The following PGAP1 variants were observed in gnomAD, a reference collection of about 807,000 sequenced individuals.
The protein encoded by PGAP1 is GPI inositol-deacylase.
Under a neutral mutation model 127.0 loss-of-function variants are expected in PGAP1, and 76 were observed. That is an observed-to-expected ratio of 0.60 (90% CI 0.50 to 0.72). The LOEUF is 0.72. Among genes scored for constraint, PGAP1 ranks in the 30% least tolerant of loss-of-function variants. The pLI, the probability that PGAP1 is intolerant of heterozygous loss-of-function variation, is 0.00. For synonymous variants in PGAP1, 362 were observed against 366.5 expected, an observed-to-expected ratio of 0.99 and a Z score of 0.14; for missense variants, 982 against 1,071.3, an observed-to-expected ratio of 0.92 and a Z score of 1.16.
chr2:196,870,454 G>A (rs558852276), intron 19 of PGAP1, among the ~76,000 whole-genome samples: 8 of 151,998 alleles, frequency 5.3e-5, no homozygotes, highest in East Asian at 1.9e-4. Context: ...ATGCCAGCAC[G>A]CCTGGCTAAT....
intron 13 of PGAP1, among the ~76,000 whole-genome samples, chr2:196,879,421 G>A (rs1018822893): frequency 5.9e-5 from 9 of 152,094 alleles, no homozygotes; most frequent in Non-Finnish European, 8.8e-5. Context: ...TCAGCCAGGC[G>A]CGGTGGCTCA....
chr2:196,905,137 C>T (rs1490145537), intron 4 of PGAP1, among the ~76,000 whole-genome samples: 3 of 152,142 alleles, frequency 2.0e-5, no homozygotes, highest in Non-Finnish European at 4.4e-5. Context: ...TGCCACCCTC[C>T]AAAGCAATAA....
In PGAP1 at chr2:196,872,963, G is replaced by A; in HGVS notation, c.1616C>T (p.Ala539Val). 1 of 1,002,782 alleles carries A rather than the reference G, an allele frequency of 1.0e-6. No individual in the cohort carries two copies. Among genetic ancestry groups the A allele is most frequent in the East Asian group, 2.6e-5 (1 of 38,326 alleles). The allele number at this position is 1,002,782 out of a possible 1,614,324, so 62.1% of individuals were successfully genotyped here. ...PWSYEDSLTI[A>V]QAPSSTEISL... ...GTAAATTCTTTCAAATACTTACTGT[G>A]CAATGGTTAGTGAATCTTCATAAGA... The change falls in exon 17 of 27, where the codon GCA becomes GTA. Residue 539 changes from alanine (A) to valine (V), a missense_variant. Ala to Val is a moderately conservative substitution (Grantham distance 64). Coordinates refer to ENST00000354764, the MANE Select transcript of PGAP1 (RefSeq NM_024989.4).
intron 2 of PGAP1, among the ~76,000 whole-genome samples, chr2:196,918,315 T>C (rs1703079780): frequency 6.6e-6 from 1 of 152,202 alleles, no homozygotes; most frequent in Admixed American, 6.6e-5. Context: ...ACACATAACC[T>C]GTAACATGGA....
intron 14 of PGAP1, among the ~76,000 whole-genome samples, chr2:196,874,831 T>C (rs1242235138): frequency 6.6e-6 from 1 of 152,104 alleles, no homozygotes; most frequent in Non-Finnish European, 1.5e-5. Flanking sequence ...CTGGGCAATA[T>C]GGTGAATCTC....
At chr2:196,883,588 G>C (rs531233034) in intron 12 of PGAP1, among the ~76,000 whole-genome samples, 110 of 152,294 alleles carry the variant, frequency 7.2e-4, no homozygotes, top group Non-Finnish European at 1.5e-3. Context: ...TGGCTTTTAA[G>C]TATTTATTCT....
chr2:196,922,369 G>C (rs1703224144), intron 1 of PGAP1: 2 of 983,622 alleles, frequency 2.0e-6, no homozygotes, highest in Middle Eastern at 5.2e-4. Context: ...AATACACATA[G>C]TTTTTAACTT....
chr2:196,898,207 G>C (rs1702349119), intron 6 of PGAP1, 110 bp downstream of exon 6: 8 of 713,788 alleles, frequency 1.1e-5, no homozygotes, highest in Non-Finnish European at 1.9e-5. Context: ...AACAGAGCGA[G>C]ACTCTGTCTC....
intron 8 of PGAP1, 30 bp from the exon 9 acceptor site, chr2:196,892,431 C>G: frequency 9.1e-7 from 1 of 1,094,670 alleles, no homozygotes; most frequent in Non-Finnish European, 1.3e-6. Flanking sequence ...ATTTATTTGC[C>G]TTGTTTTGTT....
intron 10 of PGAP1, among the ~76,000 whole-genome samples, chr2:196,886,982 C>T (rs1701932066): frequency 6.6e-6 from 1 of 152,204 alleles, no homozygotes; most frequent in Non-Finnish European, 1.5e-5. Flanking sequence ...AACTTCTATA[C>T]AACCAAGAAT....
intron 19 of PGAP1, among the ~76,000 whole-genome samples, chr2:196,869,040 A>T (rs956457729): frequency 5.3e-5 from 8 of 152,228 alleles, no homozygotes; most frequent in African/African-American, 1.9e-4. Context: ...TCTTTAATTG[A>T]CATTTTAAAA....
intron 23 of PGAP1, 51 bp downstream of exon 23, chr2:196,845,827 CATGT>C: frequency 6.8e-7 from 1 of 1,464,770 alleles, no homozygotes; most frequent in Non-Finnish European, 9.2e-7. Context: ...GAACATCCTA[CATGT>C]ATGTGCCTAA....
rs369607826 is a variant in PGAP1 at position 196,836,300 on chromosome 2, C to T, written c.*4934G>A. The T allele has an allele frequency of 3.9e-5, 6 of 152,448 alleles. No individual in the cohort carries two copies. Among genetic ancestry groups the T allele is most frequent in the Admixed American group, 2.0e-4 (3 of 15,254 alleles). The allele number at this position is 152,448 out of a possible 1,614,324, so 9.4% of individuals were successfully genotyped here. Reference sequence around the variant, plus strand: ...TGTACTTTATTTAAAAGTTATCAACCGTAGACAATTAAGACAGCTTAGAAT... The same window carrying T: ...TGTACTTTATTTAAAAGTTATCAACTGTAGACAATTAAGACAGCTTAGAAT... On this transcript the variant is annotated 3_prime_UTR_variant, in exon 27 of 27. Coordinates refer to ENST00000354764, the MANE Select transcript of PGAP1 (RefSeq NM_024989.4).
At chr2:196,887,363 G>A (rs183901325) in intron 10 of PGAP1, among the ~76,000 whole-genome samples, 38 of 152,148 alleles carry the variant, frequency 2.5e-4, no homozygotes, top group African/African-American at 8.7e-4. Context: ...CAGCCTGGGC[G>A]ACAGAGCGAG....
chr2:196,839,399 A>G lies in PGAP1; in HGVS notation c.*1835T>C, dbSNP rs1414003302. On this transcript the variant is annotated 3_prime_UTR_variant, in exon 27 of 27. Coordinates refer to ENST00000354764, the MANE Select transcript of PGAP1 (RefSeq NM_024989.4). Reference sequence around the variant, plus strand: ...AAACATATACGTGGTATGCCATGGGACAAGTATATAATCTAATAAATTCTC... The same window carrying G: ...AAACATATACGTGGTATGCCATGGGGCAAGTATATAATCTAATAAATTCTC... 6.6e-6 allele frequency: 1 copy of G among 152,210 alleles called. No homozygotes were observed. Among genetic ancestry groups the G allele is most frequent in the African/African-American group, 2.4e-5 (1 of 41,442 alleles). The allele number at this position is 152,210 out of a possible 1,614,324, so 9.4% of individuals were successfully genotyped here.
intron 12 of PGAP1, among the ~76,000 whole-genome samples, chr2:196,880,411 C>T (rs1479264808): frequency 6.6e-6 from 1 of 151,900 alleles, no homozygotes; most frequent in South Asian, 2.1e-4. Flanking sequence ...AAACAAATGA[C>T]ATTTAACATT....
chr2:196,845,390 A>G (rs1422205899), intron 23 of PGAP1, among the ~76,000 whole-genome samples: 1 of 151,090 alleles, frequency 6.6e-6, no homozygotes, highest in East Asian at 1.9e-4. Flanking sequence ...CAGCTTTATC[A>G]GACACGTTTT....
At chr2:196,900,354 G>A (rs1466850881) in intron 5 of PGAP1, among the ~76,000 whole-genome samples, 1 of 152,176 alleles carries the variant, frequency 6.6e-6, no homozygotes, top group Non-Finnish European at 1.5e-5. Context: ...CAGCAGTTTA[G>A]TCAACCCTCT....
intron 20 of PGAP1, among the ~76,000 whole-genome samples, chr2:196,858,978 C>T (rs1024837926): frequency 6.6e-6 from 1 of 151,966 alleles, no homozygotes. Context: ...TTGGACACAT[C>T]CAGCCTACCA....
Sources: allele counts gnomAD v4.1 joint callset (sites outside exome capture counted in the v4.1 genomes callset), GRCh38; gene constraint gnomAD v4.1.1; transcripts MANE v1.5; gene names NCBI Gene and HGNC (gene_info 2026-07-23, HGNC 2026-07-21).